The following DDX10 variants were observed in gnomAD, a reference collection of about 807,000 sequenced individuals.
The protein encoded by DDX10 is probable ATP-dependent RNA helicase DDX10.
In DDX10, 74 loss-of-function variants were observed where a neutral mutation model predicts 104.3. The observed-to-expected ratio is 0.71, with a 90% confidence interval of 0.59 to 0.86. The LOEUF is 0.86. Ranked by LOEUF, DDX10 falls within the 40% of genes least tolerant of loss-of-function variation. The pLI is 0.00. For synonymous variants in DDX10, 351 were observed against 353.4 expected (o/e 0.99, Z 0.08); for missense variants, 952 against 1,040.0 (o/e 0.92, Z 1.16).
intron 9 of DDX10, among the ~76,000 whole-genome samples, chr11:108,702,289 C>T (rs887199662): frequency 2.0e-5 from 3 of 152,020 alleles, no homozygotes; most frequent in Non-Finnish European, 4.4e-5. Flanking sequence ...ACCTAAAATC[C>T]ACCACTTAGA....
chr11:108,700,408 C>G (rs185475613), intron 9 of DDX10, among the ~76,000 whole-genome samples: 2 of 152,306 alleles, frequency 1.3e-5, no homozygotes, highest in East Asian at 1.9e-4. Context: ...CTTTCTGACT[C>G]TAGAACTCAT....
chr11:108,714,243 C>T (rs1218440591), intron 10 of DDX10, among the ~76,000 whole-genome samples: 1 of 152,086 alleles, frequency 6.6e-6, no homozygotes, highest in African/African-American at 2.4e-5. Context: ...CACATTGAGG[C>T]TCCAGCAGGT....
chr11:108,940,875 G>C lies in DDX10; in HGVS notation c.*452G>C. 4.9e-6 allele frequency: 1 copy of C among 202,572 alleles called. No individual in the cohort carries two copies. The highest frequency in any genetic ancestry group is 7.6e-5 in the East Asian group (1 of 13,134). The allele number at this position is 202,572 out of a possible 1,614,324, so 12.5% of individuals were successfully genotyped here. ...TGATGGACCAGCCCTGAGAAAGAAT[G>C]AGTATTTTTGAATTGAGATGATCAA... On this transcript the variant is annotated 3_prime_UTR_variant, in exon 18 of 18. Coordinates refer to ENST00000322536, the MANE Select transcript of DDX10 (RefSeq NM_004398.4).
intron 16 of DDX10, among the ~76,000 whole-genome samples, chr11:108,910,771 G>C (rs12362015): frequency 0.02 from 1,675 of 82,544 alleles, 31 homozygotes; most frequent in South Asian, 0.046. Context: ...GTGTGTGTGT[G>C]TGTGTGTGTG....
chr11:108,895,792 G>A (rs1385720811), intron 16 of DDX10, among the ~76,000 whole-genome samples: 1 of 151,970 alleles, frequency 6.6e-6, no homozygotes, highest in Non-Finnish European at 1.5e-5. Flanking sequence ...CACATATGAG[G>A]CTTCTGTTCC....
intron 13 of DDX10, among the ~76,000 whole-genome samples, chr11:108,815,813 C>T (rs1461519922): frequency 6.6e-6 from 1 of 152,058 alleles, no homozygotes; most frequent in South Asian, 2.1e-4. Flanking sequence ...AAATTTTAGA[C>T]TCAATAACAC....
At chr11:108,709,521 T>A (rs2094281175) in intron 10 of DDX10, among the ~76,000 whole-genome samples, 1 of 152,230 alleles carries the variant, frequency 6.6e-6, no homozygotes, top group Non-Finnish European at 1.5e-5. Context: ...GCAGATTTTG[T>A]CATTCAAGGA....
intron 6 of DDX10, among the ~76,000 whole-genome samples, chr11:108,685,629 C>G (rs1351702983): frequency 6.8e-6 from 1 of 147,878 alleles, no homozygotes; most frequent in African/African-American, 2.5e-5. Context: ...TAAGTGCTAA[C>G]AGGCATGGTC....
chr11:108,762,408 A>G (rs981180018), intron 13 of DDX10, among the ~76,000 whole-genome samples: 2 of 152,202 alleles, frequency 1.3e-5, no homozygotes, highest in African/African-American at 4.8e-5. Flanking sequence ...AGGATAATAA[A>G]TAAATCCTTT....
intron 13 of DDX10, among the ~76,000 whole-genome samples, chr11:108,758,142 G>A (rs1343818346): frequency 1.3e-5 from 2 of 151,996 alleles, no homozygotes; most frequent in African/African-American, 4.8e-5. Flanking sequence ...GTACAATGTG[G>A]CAGAGACTTA....
At chr11:108,737,580 A>G (rs1034666991) in intron 13 of DDX10, among the ~76,000 whole-genome samples, 1 of 152,222 alleles carries the variant, frequency 6.6e-6, no homozygotes, top group Non-Finnish European at 1.5e-5. Context: ...TGGGCACTGT[A>G]AATGTCCCTG....
chr11:108,847,459 G>A (rs189278669), intron 15 of DDX10, among the ~76,000 whole-genome samples: 3 of 152,102 alleles, frequency 2.0e-5, no homozygotes, highest in East Asian at 1.9e-4. Flanking sequence ...TATCTATATC[G>A]GATTATGAAT....
In DDX10 at chr11:108,768,974, G is replaced by T. The variant is rs1392224911; in HGVS notation, c.1965+45512G>T. On this transcript the variant is annotated intron_variant, in intron 13 of 17. Coordinates refer to ENST00000322536, the MANE Select transcript of DDX10 (RefSeq NM_004398.4). ...AAATGTTTTTGTTTTGCTCTGAAAT[G>T]TTGATTGGGTATGACAGTTATCTTT... Among the ~76,000 whole-genome samples, 3 of 152,086 alleles carry T rather than the reference G, an allele frequency of 2.0e-5. No homozygotes were observed. The South Asian group carries it at 6.2e-4, about 31-fold the overall frequency.
chr11:108,734,100 A>AT (rs977405508), intron 13 of DDX10, among the ~76,000 whole-genome samples: 1 of 151,692 alleles, frequency 6.6e-6, no homozygotes, highest in Non-Finnish European at 1.5e-5. Context: ...TTTTGCTAGT[A>AT]TTTTTTTCTT....
chr11:108,922,277 A>T (rs1863844094), intron 17 of DDX10: 1 of 149,918 alleles, frequency 6.7e-6, no homozygotes, highest in African/African-American at 2.5e-5. Context: ...AGAGAGAGAG[A>T]GAGAGAAGAA....
At chr11:108,868,172 T>C (rs1863032075) in intron 16 of DDX10, 1 of 152,186 alleles carries the variant, frequency 6.6e-6, no homozygotes, top group South Asian at 2.1e-4. Flanking sequence ...CTCATGTCAT[T>C]TAATACCTAA....
intron 13 of DDX10, among the ~76,000 whole-genome samples, chr11:108,752,533 A>T: frequency 6.6e-6 from 1 of 152,180 alleles, no homozygotes; most frequent in Non-Finnish European, 1.5e-5. Context: ...TTGCATCACT[A>T]TTATGGATCC....
At chr11:108,736,173 AC>A (rs1430980738) in intron 13 of DDX10, among the ~76,000 whole-genome samples, 1 of 140,682 alleles carries the variant, frequency 7.1e-6, no homozygotes, top group East Asian at 2.1e-4. Context: ...TTTTTTTTTA[AC>A]CTTTTTGCTT....
intron 16 of DDX10, among the ~76,000 whole-genome samples, chr11:108,906,483 T>G (rs538793519): frequency 1.8e-4 from 28 of 152,308 alleles, no homozygotes; most frequent in Non-Finnish European, 3.5e-4. Flanking sequence ...ATAACAGCCT[T>G]GAATGGTAGA....
Sources: gnomAD v4.1 joint callset for allele counts (sites outside exome capture counted in the v4.1 genomes callset) on GRCh38, gnomAD v4.1.1 for gene constraint, MANE v1.5 for transcripts, NCBI Gene and HGNC (gene_info 2026-07-23, HGNC 2026-07-21) for gene names.